The following HIVEP3 variants were observed in gnomAD, a reference collection of about 807,000 sequenced individuals.
HIVEP3 encodes HIVEP zinc finger 3, also known as transcription factor HIVEP3.
In HIVEP3, 49 loss-of-function variants were observed where a neutral mutation model predicts 152.8. That is an observed-to-expected ratio of 0.32 (90% confidence interval 0.26 to 0.41). The LOEUF (loss-of-function observed/expected upper bound fraction) is 0.41. HIVEP3 is among the 10% of genes least tolerant of loss of function. The pLI, the probability that HIVEP3 is intolerant of heterozygous loss-of-function variation, is 1.00. For missense variants in HIVEP3, 2,790 were observed against 3,103.3 expected, an observed-to-expected ratio of 0.90 and a Z score of 2.40; for synonymous variants, 1,269 against 1,289.0, an observed-to-expected ratio of 0.98 and a Z score of 0.33.
intron 1 of HIVEP3, among the ~76,000 whole-genome samples, chr1:41,783,182 A>G (rs1328786009): frequency 1.3e-5 from 2 of 152,150 alleles, no homozygotes; most frequent in African/African-American, 4.8e-5. Flanking sequence ...AGAAAAGGAG[A>G]AACATGGTAA....
intron 1 of HIVEP3, among the ~76,000 whole-genome samples, chr1:41,785,722 T>C (rs1016505802): frequency 9.9e-5 from 15 of 152,198 alleles, no homozygotes; most frequent in African/African-American, 3.1e-4. Context: ...CTGGGCTGGG[T>C]GCACTAGCTC....
At chr1:41,815,512 G>A (rs1651207316) in intron 1 of HIVEP3, among the ~76,000 whole-genome samples, 1 of 152,052 alleles carries the variant, frequency 6.6e-6, no homozygotes. Context: ...GAAAGTTCTA[G>A]ACAGAAGGAA....
At chr1:41,861,405 C>T (rs1047342776) in intron 1 of HIVEP3, among the ~76,000 whole-genome samples, 11 of 152,202 alleles carry the variant, frequency 7.2e-5, no homozygotes, top group Admixed American at 1.3e-4. Context: ...GCTGGCAATA[C>T]GGTAAATCAA....
At chr1:41,790,413 A>G (rs1397212083) in intron 1 of HIVEP3, among the ~76,000 whole-genome samples, 1 of 152,156 alleles carries the variant, frequency 6.6e-6, no homozygotes, top group Non-Finnish European at 1.5e-5. Context: ...CTGCAGAACC[A>G]TGAGCCAAAT....
At chr1:42,001,733 ATG>A (rs1645428986) in intron 1 of HIVEP3, among the ~76,000 whole-genome samples, 1 of 152,176 alleles carries the variant, frequency 6.6e-6, no homozygotes, top group Non-Finnish European at 1.5e-5. Context: ...TGGTATCTAG[ATG>A]GTATACACCT....
At chr1:41,830,113 C>A (rs1329989995) in intron 1 of HIVEP3, among the ~76,000 whole-genome samples, 1 of 152,188 alleles carries the variant, frequency 6.6e-6, no homozygotes, top group Non-Finnish European at 1.5e-5. Flanking sequence ...ACCATCATAT[C>A]CATCACAGAA....
At chr1:41,967,211 C>T (rs1420621084) in intron 1 of HIVEP3, among the ~76,000 whole-genome samples, 10 of 152,180 alleles carry the variant, frequency 6.6e-5, no homozygotes, top group Admixed American at 3.9e-4. Context: ...TAGATATCTT[C>T]AGTACTCCCC....
At chr1:41,518,149 G>A (rs944150495) in intron 7 of HIVEP3, among the ~76,000 whole-genome samples, 4 of 152,230 alleles carry the variant, frequency 2.6e-5, no homozygotes, top group African/African-American at 9.7e-5. Flanking sequence ...CATGGCAGAT[G>A]GTAATGCATG....
intron 6 of HIVEP3, among the ~76,000 whole-genome samples, chr1:41,521,888 C>T (rs914483906): frequency 6.6e-6 from 1 of 152,252 alleles, no homozygotes; most frequent in African/African-American, 2.4e-5. Context: ...CATCCGCTGG[C>T]CTCTGGGAAC....
intron 1 of HIVEP3, among the ~76,000 whole-genome samples, chr1:41,741,208 G>A (rs911354723): frequency 6.6e-6 from 1 of 152,138 alleles, no homozygotes; most frequent in African/African-American, 2.4e-5. Context: ...CAAAAAAGGA[G>A]GGGAAGCTTC....
intron 1 of HIVEP3, among the ~76,000 whole-genome samples, chr1:41,755,288 T>C (rs964235490): frequency 9.2e-5 from 14 of 152,142 alleles, no homozygotes; most frequent in Admixed American, 4.6e-4. Context: ...CCTTCCACTT[T>C]ATACAAAATT....
rs1644435616 is a variant in HIVEP3 at position 41,582,778 on chromosome 1, G to A, written c.2020C>T (p.Pro674Ser). 3 of 1,614,180 alleles carry A rather than the reference G, an allele frequency of 1.9e-6. No homozygotes were observed. Among genetic ancestry groups the A allele is most frequent in the East Asian group, 2.2e-5 (1 of 44,880 alleles). Residue 674 changes from proline to serine, a missense_variant, in exon 4 of 9, where the codon CCC becomes TCC. By Grantham distance (74) the Pro-to-Ser change is moderately conservative. This residue lies in a region of HIVEP3 where 339 missense variants were observed against 327.0 expected (regional missense o/e 1.04). Coordinates refer to ENST00000372583, the MANE Select transcript of HIVEP3 (RefSeq NM_024503.5). This position sits in a 1 kb window ranked among gnomAD's most constrained non-coding sequence, Gnocchi z 4.7. ...GATGTGTGGGTGCCTGCAGAGATGGGCTTTGCGATCTGAAGCTCTGAGCAG... is the reference window on the plus strand; with the variant it reads ...GATGTGTGGGTGCCTGCAGAGATGGACTTTGCGATCTGAAGCTCTGAGCAG... ...YYCSELQIAK[P>S]ISAGTHTSPE...
At chr1:41,818,727 T>C (rs1642491109) in intron 1 of HIVEP3, among the ~76,000 whole-genome samples, 1 of 152,196 alleles carries the variant, frequency 6.6e-6, no homozygotes, top group Non-Finnish European at 1.5e-5. Context: ...GGTATTCACA[T>C]TTAGCACACT....
chr1:41,658,907 A>G (rs1161124282), intron 2 of HIVEP3, among the ~76,000 whole-genome samples: 1 of 152,214 alleles, frequency 6.6e-6, no homozygotes, highest in Non-Finnish European at 1.5e-5. Context: ...ATCGAATTCT[A>G]TAACGGTAGA....
Position 41,812,895 on chromosome 1 carries a change from C to T in HIVEP3, c.-801+105518G>A, listed in dbSNP as rs115958266. On this transcript the variant is annotated intron_variant, in intron 1 of 8. Transcript: ENST00000372583. Reference sequence around the variant, plus strand: ...CAGGATGGGTGGAGGGGGTGGGGGGCGGTCCTTGCAGCACTCAGAGCCAAG... The same window carrying T: ...CAGGATGGGTGGAGGGGGTGGGGGGTGGTCCTTGCAGCACTCAGAGCCAAG... Among the ~76,000 whole-genome samples the T allele has an allele frequency of 1.9e-3, 256 of 137,954 alleles. 1 individual carries two copies. The highest frequency in any genetic ancestry group is 6.4e-3 in the African/African-American group (239 of 37,554). 90.5% of individuals were successfully genotyped at this position (137,954 alleles called of 152,430 possible).
intron 1 of HIVEP3, among the ~76,000 whole-genome samples, chr1:41,898,867 A>G (rs183150786): frequency 2.7e-4 from 41 of 152,376 alleles, no homozygotes; most frequent in Admixed American, 1.8e-3. Flanking sequence ...TTCCCAGGCT[A>G]GAAGACAGAC....
chr1:41,899,199 T>C (rs985818444), intron 1 of HIVEP3, among the ~76,000 whole-genome samples: 1 of 152,258 alleles, frequency 6.6e-6, no homozygotes, highest in Admixed American at 6.5e-5. Flanking sequence ...AAATAACTTG[T>C]TCACTAGGAA....
intron 1 of HIVEP3, among the ~76,000 whole-genome samples, chr1:41,957,415 C>T (rs1322255714): frequency 1.3e-5 from 2 of 152,170 alleles, no homozygotes; most frequent in Admixed American, 6.5e-5. Flanking sequence ...TTGAGCACAG[C>T]CCTAGTCTAA....
intron 2 of HIVEP3, among the ~76,000 whole-genome samples, chr1:41,646,471 C>G (rs143323947): frequency 7.2e-5 from 11 of 152,288 alleles, no homozygotes; most frequent in Non-Finnish European, 1.2e-4. Flanking sequence ...CCTTGAGAAA[C>G]AGGAGGGCTT....
Sources: allele counts gnomAD v4.1 joint callset (sites outside exome capture counted in the v4.1 genomes callset), GRCh38; gene constraint gnomAD v4.1.1; regional missense constraint gnomAD v4.1.1; non-coding constraint Gnocchi (gnomAD v3.1); transcripts MANE v1.5; gene names NCBI Gene and HGNC (gene_info 2026-07-23, HGNC 2026-07-21).